The following ANKRD31 variants were observed in gnomAD, a reference collection of about 807,000 sequenced individuals.
ANKRD31 encodes the protein ankyrin repeat domain 31.
A neutral mutation model predicts 186.0 loss-of-function variants in ANKRD31; 147 were observed. That is an observed-to-expected ratio of 0.79 (90% CI 0.69 to 0.91). The LOEUF is 0.91. Among genes scored for constraint, ANKRD31 ranks in the 40% least tolerant of loss-of-function variants. The pLI, the probability that ANKRD31 is intolerant of heterozygous loss-of-function variation, is 0.00. For missense variants in ANKRD31, 1,986 were observed against 2,148.8 expected (o/e 0.92, Z 1.50); for synonymous variants, 673 against 736.4 (o/e 0.91, Z 1.39).
chr5:75,120,363 C>A (rs767694571), intron 17 of ANKRD31, among the ~76,000 whole-genome samples: 13 of 151,816 alleles, frequency 8.6e-5, no homozygotes, highest in Admixed American at 7.9e-4. Context: ...TGCCACTGTA[C>A]CTTGTCTCAA....
chr5:75,145,064 C>T (rs543195236), intron 14 of ANKRD31, among the ~76,000 whole-genome samples: 7 of 152,126 alleles, frequency 4.6e-5, no homozygotes, highest in East Asian at 1.9e-4. Context: ...GTTAGAATGG[C>T]GATCATTAAA....
At chr5:75,089,656 T>G (rs1745780004) in intron 23 of ANKRD31, among the ~76,000 whole-genome samples, 1 of 152,200 alleles carries the variant, frequency 6.6e-6, no homozygotes, top group Non-Finnish European at 1.5e-5. Context: ...TAGAAGTACA[T>G]CAGTGCCCAT....
chr5:75,091,203 A>G (rs1264881007), intron 23 of ANKRD31, 58 bp downstream of exon 23: 6 of 1,478,066 alleles, frequency 4.1e-6, no homozygotes, highest in Admixed American at 5.2e-5. Flanking sequence ...TTTCATCACA[A>G]AAATATGTAC....
At chr5:75,188,709 A>AT in intron 9 of ANKRD31, 61 bp from the exon 10 acceptor site, 2 of 1,372,586 alleles carry the variant, frequency 1.5e-6, no homozygotes, top group Non-Finnish European at 2.0e-6. Context: ...AGGAATACGG[A>AT]TTACAAACCA....
At chr5:75,202,117 C>T (rs1755859891) in intron 5 of ANKRD31, among the ~76,000 whole-genome samples, 1 of 152,184 alleles carries the variant, frequency 6.6e-6, no homozygotes, top group Non-Finnish European at 1.5e-5. Context: ...ATGTATAAAA[C>T]TAGGCTGTGC....
At chr5:75,161,483 T>C (rs1366573281) in intron 11 of ANKRD31, among the ~76,000 whole-genome samples, 7 of 152,320 alleles carry the variant, frequency 4.6e-5, no homozygotes, top group African/African-American at 1.7e-4. Flanking sequence ...AAGCAGAGCA[T>C]AAAAGTTTGG....
intron 10 of ANKRD31, among the ~76,000 whole-genome samples, chr5:75,175,524 T>C (rs1485455231): frequency 6.6e-6 from 1 of 152,094 alleles, no homozygotes; most frequent in Non-Finnish European, 1.5e-5. Flanking sequence ...TAGTGGCATC[T>C]TGAGAGTGAG....
chr5:75,209,784 T>A (rs1315189474), intron 4 of ANKRD31, among the ~76,000 whole-genome samples: 1 of 152,212 alleles, frequency 6.6e-6, no homozygotes, highest in East Asian at 1.9e-4. Flanking sequence ...AGGTGGAGAC[T>A]TACTAAAATT....
chr5:75,182,859 C>T (rs1477922853), intron 10 of ANKRD31, among the ~76,000 whole-genome samples: 2 of 152,080 alleles, frequency 1.3e-5, no homozygotes, highest in South Asian at 4.1e-4. Flanking sequence ...CAAGGAAAAG[C>T]CAGTATCCTA....
At chr5:75,132,967 G>A (rs1050675505) in intron 17 of ANKRD31, among the ~76,000 whole-genome samples, 3 of 152,164 alleles carry the variant, frequency 2.0e-5, no homozygotes, top group African/African-American at 2.4e-5. Flanking sequence ...AATGCTGAGA[G>A]ATTTTGTCAC....
At chr5:75,223,063 G>C (rs747136897) in intron 2 of ANKRD31, among the ~76,000 whole-genome samples, 2 of 152,176 alleles carry the variant, frequency 1.3e-5, no homozygotes, top group Non-Finnish European at 2.9e-5. Context: ...CGCACCAACA[G>C]TGTAAAAGCA....
At chr5:75,087,530 A>G (rs928439494) in intron 23 of ANKRD31, among the ~76,000 whole-genome samples, 2 of 152,150 alleles carry the variant, frequency 1.3e-5, no homozygotes, top group African/African-American at 4.8e-5. Context: ...AAAAGAAAGA[A>G]AAGAAATCTG....
chr5:75,177,396 C>G (rs937326868), intron 10 of ANKRD31, among the ~76,000 whole-genome samples: 7 of 152,150 alleles, frequency 4.6e-5, no homozygotes, highest in African/African-American at 1.7e-4. Flanking sequence ...CACAAAGATA[C>G]TCCTCGAGAA....
chr5:75,213,448 A>AGG (rs1371659835), intron 3 of ANKRD31, among the ~76,000 whole-genome samples: 1 of 152,282 alleles, frequency 6.6e-6, no homozygotes, highest in East Asian at 1.9e-4. Flanking sequence ...GTAGGAAGGA[A>AGG]GGTTGCTCCT....
At chr5:75,204,618 G>T (rs1427633952) in intron 5 of ANKRD31, among the ~76,000 whole-genome samples, 2 of 152,106 alleles carry the variant, frequency 1.3e-5, no homozygotes, top group Non-Finnish European at 2.9e-5. Context: ...AAGAGATAAG[G>T]ATCTAGTCTC....
At chr5:75,163,328 G>C (rs1752695919) in intron 11 of ANKRD31, among the ~76,000 whole-genome samples, 1 of 152,122 alleles carries the variant, frequency 6.6e-6, no homozygotes. Context: ...AAAACCCACA[G>C]TGAGTAATGC....
At position 75,230,555 on chromosome 5, in the gene ANKRD31, T is replaced by C. The variant is rs1346962478; in HGVS notation, c.178+7A>G. The stretch of plus-strand genomic sequence containing the variant: ...AGGGACTACTTAATGAAAAGAATCA[T>C]TCTCACCTTTGCACATTCCTCTTGT... On this transcript the variant is annotated splice_region_variant and intron_variant, in intron 2 of 25. Coordinates refer to ENST00000506364, the MANE Select transcript of ANKRD31 (RefSeq NM_001372053.1). 2.0e-6 allele frequency: 3 copies of C among 1,532,496 alleles called. No homozygotes were observed. Among genetic ancestry groups the C allele is most frequent in the Non-Finnish European group, 2.6e-6 (3 of 1,142,928 alleles). The allele number at this position is 1,532,496 out of a possible 1,614,324, so 94.9% of individuals were successfully genotyped here.
intron 4 of ANKRD31, among the ~76,000 whole-genome samples, chr5:75,209,359 C>CTT (rs1482987705): frequency 1.3e-5 from 2 of 152,082 alleles, no homozygotes; most frequent in East Asian, 3.9e-4. Flanking sequence ...ACAACTCAAA[C>CTT]AAGTGCACAG....
At chr5:75,127,968 C>T (rs1037998430) in intron 17 of ANKRD31, among the ~76,000 whole-genome samples, 1 of 152,130 alleles carries the variant, frequency 6.6e-6, no homozygotes, top group Non-Finnish European at 1.5e-5. Context: ...ACAGTTGAGT[C>T]CGTGTTAGAT....
Sources: gnomAD v4.1 joint callset for allele counts (sites outside exome capture counted in the v4.1 genomes callset) on GRCh38, gnomAD v4.1.1 for gene constraint, MANE v1.5 for transcripts, NCBI Gene and HGNC (gene_info 2026-07-23, HGNC 2026-07-21) for gene names.